Variants in SEL1L2 observed in about 807,000 individuals in gnomAD.
The protein encoded by SEL1L2 is SEL1L2 adaptor subunit of SYVN1 ubiquitin ligase.
Under a neutral mutation model 98.8 loss-of-function variants are expected in SEL1L2, and 89 were observed. The ratio of observed to expected loss-of-function variants is 0.90; its 90% CI spans 0.76 to 1.07. SEL1L2 has a LOEUF of 1.07. Among genes scored for constraint, SEL1L2 ranks in the 50% least tolerant of loss-of-function variants. SEL1L2 has a pLI of 0.00. For synonymous variants in SEL1L2, 262 were observed against 278.5 expected (o/e 0.94, Z 0.59); for missense variants, 788 against 812.0 (o/e 0.97, Z 0.36).
chr20:13,993,237 A>G (rs2052573026), upstream of SEL1L2, among the ~76,000 whole-genome samples: 2 of 152,316 alleles, frequency 1.3e-5, no homozygotes, highest in Admixed American at 1.3e-4. Flanking sequence ...ACTTATACAG[A>G]CCGCTCAATA....
chr20:13,935,373 TAACAGTC>T (rs2049402213), intron 2 of SEL1L2, among the ~76,000 whole-genome samples: 1 of 152,148 alleles, frequency 6.6e-6, no homozygotes, highest in Non-Finnish European at 1.5e-5. Flanking sequence ...CCAGGGAAGA[TAACAGTC>T]AACTGATAAA....
intron 2 of SEL1L2, among the ~76,000 whole-genome samples, chr20:13,939,139 G>A (rs1236927774): frequency 1.4e-5 from 2 of 147,560 alleles, no homozygotes; most frequent in African/African-American, 5.0e-5. Context: ...CACCTCCTGG[G>A]TTCAAGTGAT....
chr20:13,929,115 T>C (rs1056269368), intron 3 of SEL1L2, among the ~76,000 whole-genome samples: 5 of 152,198 alleles, frequency 3.3e-5, no homozygotes, highest in Admixed American at 6.5e-5. Context: ...CGCCTGTGGA[T>C]AGCAGCTTCA....
intron 5 of SEL1L2, among the ~76,000 whole-genome samples, chr20:13,888,810 T>TA (rs921834439): frequency 6.0e-5 from 9 of 149,484 alleles, no homozygotes; most frequent in Non-Finnish European, 1.2e-4. Flanking sequence ...CGCTATTTTT[T>TA]TTTTTTTTTG....
chr20:13,899,915 T>C (rs1035845658), intron 5 of SEL1L2, among the ~76,000 whole-genome samples: 1 of 152,198 alleles, frequency 6.6e-6, no homozygotes, highest in Non-Finnish European at 1.5e-5. Context: ...TCGCTAAAAT[T>C]TTATTTAGAA....
chr20:13,885,338 T>G lies in SEL1L2; in HGVS notation c.957+9A>C. On this transcript the variant is annotated intron_variant, in intron 10 of 19. Coordinates refer to ENST00000284951, the MANE Select transcript of SEL1L2 (RefSeq NM_025229.2). ...CACCCCATTTGACTGGATCTTGAGA[T>G]TGACTTACGTAGTAATCCTGATCTA... 2 of 1,574,006 alleles carry G rather than the reference T, an allele frequency of 1.3e-6. No individual in the cohort carries two copies. Among genetic ancestry groups the G allele is most frequent in the Non-Finnish European group, 1.7e-6 (2 of 1,143,678 alleles).
intron 1 of SEL1L2, among the ~76,000 whole-genome samples, chr20:13,979,223 A>C (rs1303171323): frequency 6.6e-6 from 1 of 152,240 alleles, no homozygotes; most frequent in Non-Finnish European, 1.5e-5. Flanking sequence ...TATAAGTGAC[A>C]GAGTAGAATT....
At chr20:13,905,836 C>T (rs2047901987) in intron 5 of SEL1L2, among the ~76,000 whole-genome samples, 1 of 149,506 alleles carries the variant, frequency 6.7e-6, no homozygotes, top group African/African-American at 2.5e-5. Context: ...TCAAGCTCAG[C>T]AAATTGTTTG....
intron 17 of SEL1L2, among the ~76,000 whole-genome samples, chr20:13,861,655 G>C (rs965659112): frequency 6.6e-6 from 1 of 152,064 alleles, no homozygotes; most frequent in African/African-American, 2.4e-5. Context: ...TTTAGCTAGA[G>C]GATGATCTTT....
intron 1 of SEL1L2, among the ~76,000 whole-genome samples, chr20:13,986,301 T>G (rs910144931): frequency 6.6e-6 from 1 of 152,202 alleles, no homozygotes; most frequent in Non-Finnish European, 1.5e-5. Context: ...TTAAGTGACA[T>G]TTAGTGCATT....
At chr20:13,977,607 G>A (rs187923986) in intron 1 of SEL1L2, among the ~76,000 whole-genome samples, 3 of 152,242 alleles carry the variant, frequency 2.0e-5, no homozygotes, top group Non-Finnish European at 2.9e-5. Flanking sequence ...AAAGTGGAGT[G>A]GAATTGGGAA....
chr20:13,956,214 A>T (rs1198451475), intron 1 of SEL1L2, 83 bp from the exon 2 acceptor site: 1 of 707,074 alleles, frequency 1.4e-6, no homozygotes, highest in African/African-American at 1.9e-5. Flanking sequence ...TGTTAAAAAA[A>T]CTTCTAGAAA....
intron 1 of SEL1L2, among the ~76,000 whole-genome samples, chr20:13,977,629 G>A (rs2051607389): frequency 6.6e-6 from 1 of 152,104 alleles, no homozygotes; most frequent in East Asian, 1.9e-4. Context: ...AGTGATTCCT[G>A]TCAGACAAAA....
intron 19 of SEL1L2, chr20:13,849,974 TCTG>T: frequency 8.6e-6 from 5 of 579,812 alleles, no homozygotes; most frequent in Non-Finnish European, 1.5e-5. Flanking sequence ...GAAAAGAACA[TCTG>T]CTGAATGAAT....
chr20:13,929,242 T>C (rs2148296944), intron 3 of SEL1L2, among the ~76,000 whole-genome samples: 1 of 151,324 alleles, frequency 6.6e-6, no homozygotes, highest in South Asian at 2.1e-4. Context: ...TTCCTAAGTA[T>C]AGACATCTCC....
At chr20:13,902,888 C>T (rs997681686) in intron 5 of SEL1L2, among the ~76,000 whole-genome samples, 20 of 152,072 alleles carry the variant, frequency 1.3e-4, no homozygotes, top group African/African-American at 4.8e-4. Flanking sequence ...GAAGCCAAGG[C>T]GGGCGGATCA....
At chr20:13,884,345 G>A (rs2046847334) in intron 10 of SEL1L2, among the ~76,000 whole-genome samples, 2 of 152,002 alleles carry the variant, frequency 1.3e-5, no homozygotes, top group South Asian at 2.1e-4. Context: ...CAGGTCTGTG[G>A]TGATGTAGGG....
rs2073290 is a variant in SEL1L2, at chr20:13,849,491, A to T, written c.2061T>A (p.His687Gln). 1.9e-6 allele frequency: 3 copies of T among 1,613,776 alleles called. No individual in the cohort carries two copies. Among genetic ancestry groups the T allele is most frequent in the Non-Finnish European group, 2.5e-6 (3 of 1,179,816 alleles). ...TTTTCCTGTGATCCGCATCCTACCC[A>T]TGGTGATTTCTAAGCAACAAAATCA... The part of the protein sequence containing the change: ...PGLILLLRNH[H>Q]G Residue 687 changes from histidine to glutamine, a missense_variant, in exon 20 of 20, where the codon CAT becomes CAA. Coordinates refer to ENST00000284951, the MANE Select transcript of SEL1L2 (RefSeq NM_025229.2).
At chr20:13,982,116 C>T (rs757094440) in intron 1 of SEL1L2, among the ~76,000 whole-genome samples, 3 of 152,154 alleles carry the variant, frequency 2.0e-5, no homozygotes, top group Non-Finnish European at 4.4e-5. Context: ...GGATAGAGAG[C>T]TGCTGGATAG....
Sources: gnomAD v4.1 joint callset for allele counts (sites outside exome capture counted in the v4.1 genomes callset) on GRCh38, gnomAD v4.1.1 for gene constraint, MANE v1.5 for transcripts, NCBI Gene and HGNC (gene_info 2026-07-23, HGNC 2026-07-21) for gene names.